GLP2R: variants seen among roughly 807,000 people sequenced by gnomAD.
GLP2R encodes glucagon-like peptide 2 receptor.
In GLP2R, 59 loss-of-function variants were observed where a neutral mutation model predicts 68.2. That is an observed-to-expected ratio of 0.87 (90% confidence interval 0.70 to 1.07). The LOEUF (loss-of-function observed/expected upper bound fraction) is 1.07. Among genes scored for constraint, GLP2R ranks in the 50% least tolerant of loss-of-function variants. GLP2R has a pLI of 0.00. For synonymous variants in GLP2R, 270 were observed against 265.4 expected, an observed-to-expected ratio of 1.02 and a Z score of -0.17; for missense variants, 548 against 677.4, an observed-to-expected ratio of 0.81 and a Z score of 2.12.
chr17:9,844,110 G>A (rs939400533), intron 4 of GLP2R, among the ~76,000 whole-genome samples: 1 of 152,174 alleles, frequency 6.6e-6, no homozygotes, highest in Non-Finnish European at 1.5e-5. Context: ...CACACCTAGG[G>A]TCAAAGAGCT....
Position 9,887,862 on chromosome 17 carries a change from C to T in GLP2R, c.1285-70C>T, listed in dbSNP as rs148873900. The T allele has an allele frequency of 2.9e-4, 325 of 1,109,350 alleles. No individual in the cohort carries two copies. The African/African-American group carries it at 3.4e-3, about 12-fold the overall frequency. The allele number at this position is 1,109,350 out of a possible 1,614,324, so 68.7% of individuals were successfully genotyped here. ...CTTACGACCTGTGCAGGGCTTTGGA[C>T]GTTGCCAGTAACTCTCAGACACATC... is the stretch of plus-strand genomic sequence containing the variant. On this transcript the variant is annotated intron_variant, in intron 11 of 12. Transcript: ENST00000262441.
intron 10 of GLP2R, among the ~76,000 whole-genome samples, chr17:9,873,791 T>C (rs1033253816): frequency 6.6e-6 from 1 of 152,070 alleles, no homozygotes; most frequent in Non-Finnish European, 1.5e-5. Context: ...GTTAATCAAC[T>C]CTATTGCACT....
intron 9 of GLP2R, among the ~76,000 whole-genome samples, chr17:9,865,555 C>G (rs1264326560): frequency 6.6e-6 from 1 of 152,184 alleles, no homozygotes; most frequent in Admixed American, 6.5e-5. Context: ...GCCCGATGCT[C>G]TACTCGTATG....
intron 1 of GLP2R, among the ~76,000 whole-genome samples, chr17:9,829,167 T>C (rs2066658448): frequency 6.6e-6 from 1 of 152,166 alleles, no homozygotes; most frequent in South Asian, 2.1e-4. Context: ...GGAGGTAGTG[T>C]TATCCCCACA....
Position 9,844,668 on chromosome 17 carries a change from C to CTTTTTTT in GLP2R, c.504+2084_504+2090dup, listed in dbSNP as rs71139004. 9.7e-3 allele frequency among the ~76,000 whole-genome samples: 430 copies of CTTTTTTT among 44,312 alleles called. 148 individuals are homozygous for CTTTTTTT. The highest frequency in any genetic ancestry group is 0.016 in the Non-Finnish European group (344 of 21,404). The allele number at this position is 44,312 out of a possible 152,430, so 29.1% of individuals were successfully genotyped here. On this transcript the variant is annotated intron_variant, in intron 4 of 12. Transcript: ENST00000262441. The stretch of plus-strand genomic sequence containing the variant: ...ATTCTCAATATTTTACTACCTAATT[C>CTTTTTTT]TTTTTTTTTTTTTTTTTTTTTTTTT...
intron 1 of GLP2R, among the ~76,000 whole-genome samples, chr17:9,831,299 T>C (rs1399606725): frequency 1.3e-5 from 2 of 152,122 alleles, no homozygotes; most frequent in Non-Finnish European, 1.5e-5. Flanking sequence ...GTCTCACAAG[T>C]GAGCCTCTGG....
chr17:9,865,302 C>A (rs1386404566), intron 9 of GLP2R, among the ~76,000 whole-genome samples: 3 of 136,598 alleles, frequency 2.2e-5, no homozygotes, highest in Non-Finnish European at 4.6e-5. Context: ...TCTTCTTTAG[C>A]CCCTTGTGAT....
intron 10 of GLP2R, among the ~76,000 whole-genome samples, chr17:9,878,737 T>C (rs189683062): frequency 1.8e-4 from 28 of 152,312 alleles, no homozygotes; most frequent in African/African-American, 5.5e-4. Context: ...GTTTATTTCA[T>C]TGATAACATT....
intron 10 of GLP2R, among the ~76,000 whole-genome samples, chr17:9,877,405 T>C (rs1224296419): frequency 6.6e-6 from 1 of 152,088 alleles, no homozygotes; most frequent in African/African-American, 2.4e-5. Flanking sequence ...GAAGGGTGAG[T>C]AGCCCAAAAC....
At chr17:9,836,278 C>A in intron 2 of GLP2R, 93 bp from the exon 3 acceptor site, 1 of 819,664 alleles carries the variant, frequency 1.2e-6, no homozygotes, top group Non-Finnish European at 2.1e-6. Context: ...CTTCCAGTGC[C>A]AGGAAGGTGG....
intron 8 of GLP2R, 44 bp downstream of exon 8, chr17:9,861,243 C>T (rs750376609): frequency 8.2e-6 from 10 of 1,212,922 alleles, no homozygotes; most frequent in Admixed American, 3.4e-5. Flanking sequence ...GCCGGTAATT[C>T]CCAGGCATGC....
intron 4 of GLP2R, among the ~76,000 whole-genome samples, chr17:9,846,381 T>C (rs1353299202): frequency 6.6e-6 from 1 of 152,136 alleles, no homozygotes; most frequent in African/African-American, 2.4e-5. Context: ...TTTGGGAAGC[T>C]GAAGTGGGAG....
chr17:9,888,988 A>G (rs2067266869), intron 12 of GLP2R, among the ~76,000 whole-genome samples: 1 of 152,254 alleles, frequency 6.6e-6, no homozygotes, highest in Non-Finnish European at 1.5e-5. Context: ...ACTTACATAG[A>G]ATGTACATAG....
At chr17:9,881,570 CG>C (rs2067196738) in intron 11 of GLP2R, among the ~76,000 whole-genome samples, 2 of 138,508 alleles carry the variant, frequency 1.4e-5, no homozygotes, top group South Asian at 4.2e-4. Context: ...TTAGTAGAGA[CG>C]GGGTTTCACC....
chr17:9,851,104 C>T (rs1187083208), intron 4 of GLP2R, among the ~76,000 whole-genome samples: 1 of 152,042 alleles, frequency 6.6e-6, no homozygotes, highest in African/African-American at 2.4e-5. Context: ...AAGACATGTC[C>T]CCTAATTTGT....
At position 9,827,776 on chromosome 17, in the gene GLP2R, C is replaced by T. The variant is rs373704330; in HGVS notation, c.189+1524C>T. 1.0e-3 allele frequency among the ~76,000 whole-genome samples: 153 copies of T among 152,102 alleles called. 1 individual carries two copies. Among genetic ancestry groups the T allele is most frequent in the African/African-American group, 3.4e-3 (142 of 41,496 alleles). On this transcript the variant is annotated intron_variant, in intron 1 of 12. Coordinates refer to ENST00000262441, the MANE Select transcript of GLP2R (RefSeq NM_004246.3). Reference sequence around the variant, plus strand: ...AGGAGTTCAAGTCCGGCCTGGCCAACGTGGTGAAACCCCGTCTGTACTAAA... The same window carrying T: ...AGGAGTTCAAGTCCGGCCTGGCCAATGTGGTGAAACCCCGTCTGTACTAAA...
At chr17:9,853,342 G>A in intron 4 of GLP2R, 1 of 192,850 alleles carries the variant, frequency 5.2e-6, no homozygotes, top group Non-Finnish European at 1.1e-5. Context: ...GGGAGAAAAG[G>A]TGGACAGAGA....
chr17:9,835,700 C>T (rs867239362), intron 2 of GLP2R, among the ~76,000 whole-genome samples: 7 of 152,186 alleles, frequency 4.6e-5, no homozygotes, highest in Non-Finnish European at 5.9e-5. Context: ...AAGGCACTGG[C>T]TCAGCCTCCA....
intron 4 of GLP2R, chr17:9,852,904 G>A: frequency 2.1e-6 from 1 of 468,732 alleles, no homozygotes; most frequent in Admixed American, 2.7e-5. Flanking sequence ...TTACTTTCCA[G>A]ATATACTTAA....
Sources: gnomAD v4.1 joint callset for allele counts (sites outside exome capture counted in the v4.1 genomes callset) on GRCh38, gnomAD v4.1.1 for gene constraint, MANE v1.5 for transcripts, NCBI Gene and HGNC (gene_info 2026-07-23, HGNC 2026-07-21) for gene names.